Variants in CARD14 observed in about 807,000 individuals in gnomAD.
CARD14 encodes the protein caspase recruitment domain family member 14.
Under a neutral mutation model 111.5 loss-of-function variants are expected in CARD14, and 107 were observed. That is an observed-to-expected ratio of 0.96 (90% CI 0.82 to 1.13). The LOEUF (loss-of-function observed/expected upper bound fraction) is 1.13, where lower values mean the gene tolerates loss of function less well. CARD14 is among the 50% of genes most tolerant of loss of function. CARD14 has a pLI of 0.00. For synonymous variants in CARD14, 617 were observed against 579.6 expected, an observed-to-expected ratio of 1.06 and a Z score of -0.93; for missense variants, 1,322 against 1,362.3, an observed-to-expected ratio of 0.97 and a Z score of 0.47.
Position 80,201,633 on chromosome 17 carries a change from C to A in CARD14, c.1852-111C>A. The A allele has an allele frequency of 8.8e-7, 1 of 1,141,526 alleles. No homozygotes were observed. The highest frequency in any genetic ancestry group is 1.3e-6 in the Non-Finnish European group (1 of 759,944). 70.7% of individuals were successfully genotyped at this position (1,141,526 alleles called of 1,614,324 possible). On this transcript the variant is annotated intron_variant, in intron 16 of 23. Coordinates refer to ENST00000648509, the MANE Select transcript of CARD14 (RefSeq NM_001366385.1). This position sits in a 1 kb window ranked among gnomAD's most constrained non-coding sequence, Gnocchi z 5.0. Reference sequence around the variant, plus strand: ...TTGACCAAGGCGTGCAGGCAGTGGTCCTACGGCAGGGCTGGCCCGCGCCTC... The same window carrying A: ...TTGACCAAGGCGTGCAGGCAGTGGTACTACGGCAGGGCTGGCCCGCGCCTC...
intron 9 of CARD14, among the ~76,000 whole-genome samples, chr17:80,190,510 G>T (rs2040489085): frequency 6.6e-6 from 1 of 151,760 alleles, no homozygotes; most frequent in Non-Finnish European, 1.5e-5. Context: ...CTACTAGGGA[G>T]ACTGAGGCAC....
Position 80,195,567 on chromosome 17 carries a change from G to A in CARD14, c.1509G>A (p.Leu503=), listed in dbSNP as rs1387502695. The change falls in exon 14 of 24, where the codon CTG becomes CTA. Residue 503 remains leucine, a synonymous_variant. Coordinates refer to ENST00000648509, the MANE Select transcript of CARD14 (RefSeq NM_001366385.1). The surrounding 1 kb of genome is among the most constrained non-coding windows in gnomAD (Gnocchi z 4.7). ...TGCTTATGCTTTGCAGCAGCTGCCT[G>A]GAGATCCCGGAGGGAGACCCGGGAG... The part of the protein sequence containing the change: ...GEEPWSFSSC[L]EIPEGDPGAL... 3.7e-6 allele frequency: 6 copies of A among 1,611,472 alleles called. No homozygotes were observed. The East Asian group carries it at 1.3e-4, about 36-fold the overall frequency.
intron 1 of CARD14, 48 bp downstream of exon 1, chr17:80,170,104 G>A (rs993634532): frequency 1.3e-5 from 2 of 152,226 alleles, no homozygotes; most frequent in Non-Finnish European, 2.9e-5. Context: ...GCCTACGGAG[G>A]GCTCAGCCTA....
chr17:80,192,293 C>T, intron 11 of CARD14: 1 of 513,480 alleles, frequency 1.9e-6, no homozygotes, highest in South Asian at 3.1e-5. Flanking sequence ...GCTGTGTGTC[C>T]AGCTGGTTTC....
In CARD14 at chr17:80,175,983, TTTTTTTTTTA is replaced by T. The variant is rs1422840365; in HGVS notation, c.-366-2524_-366-2515del. Among the ~76,000 whole-genome samples the T allele has an allele frequency of 8.6e-5, 5 of 58,376 alleles. 2 individuals carry two copies. Among genetic ancestry groups the T allele is most frequent in the African/African-American group, 3.1e-4 (4 of 12,900 alleles). 38.3% of individuals were successfully genotyped at this position (58,376 alleles called of 152,430 possible). ...TTTTTTTTTTTTTTTTTTTTTTTTT[TTTTTTTTTTA>T]AAAACGGGATCGTGCTATGTTGCTA... On this transcript the variant is annotated intron_variant, in intron 2 of 23. Coordinates refer to ENST00000648509, the MANE Select transcript of CARD14 (RefSeq NM_001366385.1).
Position 80,202,403 on chromosome 17 carries a change from C to G in CARD14, c.2202C>G (p.Thr734=). 6.2e-7 allele frequency: 1 copy of G among 1,612,470 alleles called. No homozygotes were observed. Among genetic ancestry groups the G allele is most frequent in the Non-Finnish European group, 8.5e-7 (1 of 1,179,570 alleles). ...TGAAGGATACTGCCGCGCACGGCAC[C>G]ATCCCCAACTACTCCAGGTGAGCAG... ...YTMKDTAAHG[T]IPNYSRAQQQ... The change falls in exon 18 of 24, where the codon ACC becomes ACG. Residue 734 remains threonine, a synonymous_variant. Coordinates refer to ENST00000648509, the MANE Select transcript of CARD14 (RefSeq NM_001366385.1).
At position 80,202,351 on chromosome 17, in the gene CARD14, A is replaced by C. The variant is rs1381527053; in HGVS notation, c.2150A>C (p.His717Pro). The change falls in exon 18 of 24, where the codon CAT becomes CCT. Residue 717 changes from histidine to proline, a missense_variant. Transcript: ENST00000648509. ...DTMFQGCGCW[H>P]AHRVNSYTMK... ...ATGTTCCAGGGCTGCGGCTGCTGGCATGCCCACCGCGTGAACTCTTACACC... is the reference window on the plus strand; with the variant it reads ...ATGTTCCAGGGCTGCGGCTGCTGGCCTGCCCACCGCGTGAACTCTTACACC... 1.2e-6 allele frequency: 2 copies of C among 1,613,430 alleles called. No homozygotes were observed. Among genetic ancestry groups the C allele is most frequent in the South Asian group, 2.2e-5 (2 of 91,062 alleles).
chr17:80,190,960 T>C, intron 10 of CARD14, 61 bp downstream of exon 10: 1 of 1,577,730 alleles, frequency 6.3e-7, no homozygotes, highest in East Asian at 2.3e-5. Context: ...TGAGGGCTGG[T>C]TCCGGGGACA....
At chr17:80,173,265 C>T (rs1229974012) in intron 2 of CARD14, 37 bp downstream of exon 2, 2 of 153,146 alleles carry the variant, frequency 1.3e-5, no homozygotes, top group African/African-American at 4.9e-5. Flanking sequence ...CTCTCTGCCT[C>T]TCCATTTCTC....
chr17:80,204,258 G>C lies in CARD14; in HGVS notation c.2315G>C (p.Arg772Pro). 1 of 1,597,214 alleles carries C rather than the reference G, an allele frequency of 6.3e-7. No individual in the cohort carries two copies. The highest frequency in any genetic ancestry group is 1.1e-5 in the South Asian group (1 of 90,006). Residue 772 changes from arginine (R) to proline (P), a missense_variant, in exon 20 of 24, where the codon CGC (arginine) becomes CCC (proline). Arg to Pro is a moderately radical substitution (Grantham distance 103). Transcript: ENST00000648509. ...TCTGGGGGACCACAGAAGCTGGTCC[G>C]CATCGTCAGTATGGACAAAGCCAAG... Reference protein sequence around the residue: ...PSSGGPQKLVRIVSMDKAKAS... With the variant: ...PSSGGPQKLVPIVSMDKAKAS...
At chr17:80,183,530 G>T (rs753891319) in intron 6 of CARD14, among the ~76,000 whole-genome samples, 1 of 152,186 alleles carries the variant, frequency 6.6e-6, no homozygotes, top group Non-Finnish European at 1.5e-5. Context: ...TCACGGGGAA[G>T]GTCAGAGTGG....
At chr17:80,205,673 G>T in intron 22 of CARD14, 21 bp downstream of exon 22, 2 of 1,535,280 alleles carry the variant, frequency 1.3e-6, no homozygotes, top group South Asian at 2.5e-5. Flanking sequence ...GGGCGGGGTG[G>T]GCAGGGGAGC....
At position 80,206,296 on chromosome 17, in the gene CARD14, T is replaced by TCTAAAAAAAAATATTTCAA. The variant is rs1555618129; in HGVS notation, c.2691+654_2691+655insATATTTCAACTAAAAAAAA. On this transcript the variant is annotated intron_variant, in intron 22 of 23. Coordinates refer to ENST00000648509, the MANE Select transcript of CARD14 (RefSeq NM_001366385.1). Reference sequence around the variant, plus strand: ...CCTGAGCAACACAGTGAGACCCGTCTCTAAAAAAAATTAAAAAATAAAAAG... The same window carrying TCTAAAAAAAAATATTTCAA: ...CCTGAGCAACACAGTGAGACCCGTCTCTAAAAAAAAATATTTCAACTAAAAAAAATTAAAAAATAAAAAG... Among the ~76,000 whole-genome samples the TCTAAAAAAAAATATTTCAA allele has an allele frequency of 5.3e-5, 8 of 151,384 alleles. No individual in the cohort carries two copies. The East Asian group carries it at 1.6e-3, about 30-fold the overall frequency.
Position 80,183,996 on chromosome 17 carries a change from C to G in CARD14, c.433C>G (p.Gln145Glu), listed in dbSNP as rs781101097. Residue 145 changes from glutamine to glutamate, a missense_variant, in exon 7 of 24, where the codon CAG becomes GAG. Coordinates refer to ENST00000648509, the MANE Select transcript of CARD14 (RefSeq NM_001366385.1). ...LQEELNQEKGQKEVLLRRCQQ... is the reference protein window; with the variant it reads ...LQEELNQEKGEKEVLLRRCQQ... Reference sequence around the variant, plus strand: ...GGAGGAGCTGAACCAGGAAAAGGGGCAGAAGGAGGTGCTGCTGCGGCGGTG... The same window carrying G: ...GGAGGAGCTGAACCAGGAAAAGGGGGAGAAGGAGGTGCTGCTGCGGCGGTG... 6.3e-7 allele frequency: 1 copy of G among 1,587,808 alleles called. No individual in the cohort carries two copies. Among genetic ancestry groups the G allele is most frequent in the Non-Finnish European group, 8.6e-7 (1 of 1,166,056 alleles).
chr17:80,205,646 G>T lies in CARD14; in HGVS notation c.2685G>T (p.Met895Ile). 1 of 1,562,876 alleles carries T rather than the reference G, an allele frequency of 6.4e-7. No individual in the cohort carries two copies. The highest frequency in any genetic ancestry group is 2.3e-5 in the East Asian group (1 of 42,818). Residue 895 changes from methionine to isoleucine, a missense_variant, in exon 22 of 24, where the codon ATG (methionine) becomes ATT (isoleucine). Physicochemically the swap from Met to Ile is conservative, Grantham distance 10. Coordinates refer to ENST00000648509, the MANE Select transcript of CARD14 (RefSeq NM_001366385.1). ...WVTRHAVESLMEKNTHALLDV... is the reference protein window; with the variant it reads ...WVTRHAVESLIEKNTHALLDV... Reference sequence around the variant, plus strand: ...CCCGCCATGCTGTGGAGTCCCTCATGGAAAAGGTGAGGTCAAGGGCGGGGT... The same window carrying T: ...CCCGCCATGCTGTGGAGTCCCTCATTGAAAAGGTGAGGTCAAGGGCGGGGT...
intron 7 of CARD14, among the ~76,000 whole-genome samples, chr17:80,185,881 A>G (rs1021422754): frequency 6.6e-5 from 10 of 152,214 alleles, no homozygotes; most frequent in African/African-American, 2.2e-4. Flanking sequence ...GACCCTGCAC[A>G]GGGGGTGCTG....
At chr17:80,197,993 G>C (rs913459139) in intron 14 of CARD14, 106 bp from the exon 15 acceptor site, 54 of 1,122,410 alleles carry the variant, frequency 4.8e-5, no homozygotes, top group Non-Finnish European at 6.8e-5. Context: ...CATCAGCAGT[G>C]GGGTGACCAA....
chr17:80,205,153 G>C lies in CARD14; in HGVS notation c.2517G>C (p.Lys839Asn), dbSNP rs950950885. 8 of 1,613,722 alleles carry C rather than the reference G, an allele frequency of 5.0e-6. No homozygotes were observed. Among genetic ancestry groups the C allele is most frequent in the African/African-American group, 4.0e-5 (3 of 74,926 alleles). The change falls in exon 21 of 24, where the codon AAG becomes AAC. Residue 839 changes from lysine (K) to asparagine (N), a missense_variant. By Grantham distance (94) the Lys-to-Asn change is moderately conservative. Transcript: ENST00000648509. ...TCCTCGTGCCCAGGGCGGTTGGGAA[G>C]ATCCTGAGCGAGAAACTGTGCCTCC... is the stretch of plus-strand genomic sequence containing the variant. ...PVLLVPRAVG[K>N]ILSEKLCLLQ...
chr17:80,197,289 C>T (rs2040747817), intron 14 of CARD14: 2 of 152,188 alleles, frequency 1.3e-5, no homozygotes, highest in African/African-American at 4.8e-5. Context: ...AATCCCAGCA[C>T]TTTGGGAGGC....
Sources: allele counts gnomAD v4.1 joint callset (sites outside exome capture counted in the v4.1 genomes callset), GRCh38; gene constraint gnomAD v4.1.1; non-coding constraint Gnocchi (gnomAD v3.1); transcripts MANE v1.5; gene names NCBI Gene and HGNC (gene_info 2026-07-23, HGNC 2026-07-21).